The following WDPCP variants were observed in gnomAD, a reference collection of about 807,000 sequenced individuals.
The protein encoded by WDPCP is WD repeat containing planar cell polarity effector, also known as WD repeat-containing and planar cell polarity effector protein fritz homolog.
Under a neutral mutation model 93.1 loss-of-function variants are expected in WDPCP, and 71 were observed. That is an observed-to-expected ratio of 0.76 (90% CI 0.63 to 0.93). The LOEUF (loss-of-function observed/expected upper bound fraction) is 0.93. Among genes scored for constraint, WDPCP ranks in the 40% least tolerant of loss-of-function variants. The pLI is 0.00. For synonymous variants in WDPCP, 315 were observed against 315.0 expected (o/e 1.00, Z 0.00); for missense variants, 844 against 887.4 (o/e 0.95, Z 0.62).
chr2:63,413,315 C>T (rs1267280761), intron 9 of WDPCP, among the ~76,000 whole-genome samples: 2 of 152,134 alleles, frequency 1.3e-5, no homozygotes, highest in Admixed American at 6.6e-5. Context: ...AATTGGCTAG[C>T]CACATGTAGA....
At chr2:63,292,943 G>C (rs2105027643) in intron 13 of WDPCP, among the ~76,000 whole-genome samples, 1 of 152,266 alleles carries the variant, frequency 6.6e-6, no homozygotes, top group East Asian at 1.9e-4. Flanking sequence ...TGTATGGTGG[G>C]CAACTGTGCA....
intron 1 of WDPCP, among the ~76,000 whole-genome samples, chr2:63,824,504 C>T (rs966257581): frequency 7.4e-6 from 1 of 135,930 alleles, no homozygotes; most frequent in Non-Finnish European, 1.5e-5. Flanking sequence ...GCTGTGATCA[C>T]GCCACTGCAC....
intron 6 of WDPCP, among the ~76,000 whole-genome samples, chr2:63,466,396 T>C (rs1575473589): frequency 1.3e-5 from 2 of 152,040 alleles, no homozygotes; most frequent in South Asian, 2.1e-4. Flanking sequence ...TACATTGACA[T>C]ATATATATAT....
At chr2:63,353,309 C>T (rs566865016) in intron 12 of WDPCP, among the ~76,000 whole-genome samples, 22 of 152,240 alleles carry the variant, frequency 1.4e-4, no homozygotes, top group Middle Eastern at 3.4e-3. Flanking sequence ...GCGGCTCCAG[C>T]AAAGTGGGAG....
At chr2:63,450,125 C>T (rs1698135606) in intron 6 of WDPCP, among the ~76,000 whole-genome samples, 1 of 152,198 alleles carries the variant, frequency 6.6e-6, no homozygotes, top group African/African-American at 2.4e-5. Context: ...ACAAACTCTG[C>T]TCCTGGGCTC....
intron 9 of WDPCP, among the ~76,000 whole-genome samples, chr2:63,415,003 C>T (rs35408790): frequency 2.6e-5 from 4 of 152,092 alleles, no homozygotes; most frequent in African/African-American, 7.2e-5. Context: ...TAACTGTCCA[C>T]GTAATGATAG....
intron 17 of WDPCP, among the ~76,000 whole-genome samples, chr2:63,141,562 A>G (rs1408797993): frequency 6.6e-6 from 1 of 152,140 alleles, no homozygotes. Context: ...TTCATCAAGG[A>G]TATCGGTCTA....
intron 1 of WDPCP, among the ~76,000 whole-genome samples, chr2:63,575,467 G>GCATGCACTGTATATA (rs1707964517): frequency 1.5e-4 from 1 of 6,842 alleles, no homozygotes; most frequent in Non-Finnish European, 2.5e-4. Context: ...CAGTATATAT[G>GCATGCACTGTATATA]CAGTATATAC....
At position 63,191,261 on chromosome 2, in the gene WDPCP, G is replaced by A. The variant is rs190005073; in HGVS notation, c.1916-16429C>T. On this transcript the variant is annotated intron_variant, in intron 14 of 17. Coordinates refer to ENST00000272321, the MANE Select transcript of WDPCP (RefSeq NM_015910.7). The stretch of plus-strand genomic sequence containing the variant: ...ACAAATATTAGCCAGGCGTGGTGGC[G>A]GGCCCCTGTAGTCCCAGCTACTTGG... 4.6e-5 allele frequency among the ~76,000 whole-genome samples: 7 copies of A among 152,040 alleles called. No homozygotes were observed. The East Asian group carries it at 5.8e-4, about 13-fold the overall frequency.
chr2:63,776,406 G>A (rs1444624908), intron 2 of WDPCP, among the ~76,000 whole-genome samples: 1 of 152,038 alleles, frequency 6.6e-6, no homozygotes, highest in African/African-American at 2.4e-5. Flanking sequence ...TGTAATCCCA[G>A]CACTTTGGGA....
At chr2:63,174,558 C>A (rs778696503) in intron 15 of WDPCP, 112 bp downstream of exon 15, 77 of 1,452,326 alleles carry the variant, frequency 5.3e-5, no homozygotes, top group Non-Finnish European at 4.6e-5. Flanking sequence ...ATGAGAAATG[C>A]AAATTTTTCT....
At chr2:63,384,737 T>C (rs1448894918) in intron 10 of WDPCP, among the ~76,000 whole-genome samples, 1 of 148,688 alleles carries the variant, frequency 6.7e-6, no homozygotes, top group Non-Finnish European at 1.5e-5. Flanking sequence ...AAAATAGTAA[T>C]ACGTAAAAAA....
At chr2:63,622,791 G>A in intron 3 of WDPCP, 1 of 1,612,578 alleles carries the variant, frequency 6.2e-7, no homozygotes, top group South Asian at 1.1e-5. Context: ...TTGGTCCCAG[G>A]AACTCCGGAG....
chr2:63,514,768 A>T (rs1296024627), intron 1 of WDPCP, among the ~76,000 whole-genome samples: 3 of 152,172 alleles, frequency 2.0e-5, no homozygotes, highest in Non-Finnish European at 4.4e-5. Context: ...CTGCAATTGA[A>T]GCCACAGATG....
chr2:63,797,719 T>G (rs1670636549), intron 2 of WDPCP, among the ~76,000 whole-genome samples: 1 of 152,062 alleles, frequency 6.6e-6, no homozygotes. Context: ...TAAGCGTTAC[T>G]GGCCTTGAAG....
At chr2:63,317,301 G>C (rs1575126712) in intron 12 of WDPCP, among the ~76,000 whole-genome samples, 1 of 151,766 alleles carries the variant, frequency 6.6e-6, no homozygotes, top group Non-Finnish European at 1.5e-5. Flanking sequence ...CCAGCTACTT[G>C]GGAAGCTGAG....
At chr2:63,493,644 T>A (rs1401647665) in intron 1 of WDPCP, among the ~76,000 whole-genome samples, 2 of 151,994 alleles carry the variant, frequency 1.3e-5, no homozygotes, top group Non-Finnish European at 2.9e-5. Flanking sequence ...TTTTTTTTTT[T>A]AATCAAGTAC....
chr2:63,599,801 T>C (rs1709387688), intron 3 of WDPCP: 1 of 152,314 alleles, frequency 6.6e-6, no homozygotes, highest in African/African-American at 2.4e-5. Context: ...ATTTCCTCCT[T>C]TCACTACTTA....
At chr2:63,315,118 C>T (rs925292377) in intron 12 of WDPCP, among the ~76,000 whole-genome samples, 1 of 151,956 alleles carries the variant, frequency 6.6e-6, no homozygotes. Context: ...AAGTAAATAC[C>T]AAGGGGGCCA....
Sources: gnomAD v4.1 joint callset for allele counts (sites outside exome capture counted in the v4.1 genomes callset) on GRCh38, gnomAD v4.1.1 for gene constraint, MANE v1.5 for transcripts, NCBI Gene and HGNC (gene_info 2026-07-23, HGNC 2026-07-21) for gene names.